SERGEF: variants seen among roughly 807,000 people sequenced by gnomAD.
The protein encoded by SERGEF is secretion regulating guanine nucleotide exchange factor, also known as secretion-regulating guanine nucleotide exchange factor.
In SERGEF, 51 loss-of-function variants were observed where a neutral mutation model predicts 50.0. The observed-to-expected ratio is 1.02, with a 90% CI of 0.81 to 1.29. SERGEF has a LOEUF of 1.29. Ranked by LOEUF, SERGEF falls within the 50% of genes most tolerant of loss-of-function variation. SERGEF has a pLI of 0.00. For synonymous variants in SERGEF, 205 were observed against 212.4 expected (o/e 0.97, Z 0.30); for missense variants, 521 against 557.0 (o/e 0.94, Z 0.65).
At chr11:17,860,847 T>C (rs1850913480) in intron 10 of SERGEF, among the ~76,000 whole-genome samples, 1 of 152,186 alleles carries the variant, frequency 6.6e-6, no homozygotes, top group Non-Finnish European at 1.5e-5. Flanking sequence ...TGTAACAGTG[T>C]GTAAGAGCTT....
intron 10 of SERGEF, among the ~76,000 whole-genome samples, chr11:17,871,348 C>T (rs891879338): frequency 6.6e-6 from 1 of 151,716 alleles, no homozygotes; most frequent in Non-Finnish European, 1.5e-5. Flanking sequence ...GTAGTCCCAG[C>T]TACTCGGGAG....
At chr11:17,962,755 C>CTG (rs1477938895) in intron 8 of SERGEF, among the ~76,000 whole-genome samples, 1 of 152,130 alleles carries the variant, frequency 6.6e-6, no homozygotes, top group Non-Finnish European at 1.5e-5. Flanking sequence ...CCTAAGGGGT[C>CTG]TGGAACTAGA....
intron 10 of SERGEF, among the ~76,000 whole-genome samples, chr11:17,819,703 C>G (rs1402361115): frequency 6.6e-6 from 1 of 152,262 alleles, no homozygotes; most frequent in Non-Finnish European, 1.5e-5. Flanking sequence ...CTACACATCT[C>G]AGGCCCTCCA....
chr11:17,811,945 T>G (rs1272550370), intron 10 of SERGEF, among the ~76,000 whole-genome samples: 2 of 152,148 alleles, frequency 1.3e-5, no homozygotes, highest in African/African-American at 4.8e-5. Flanking sequence ...AGACACTCAA[T>G]GTAGAGTTGC....
intron 5 of SERGEF, chr11:17,999,458 A>G (rs1853913254): frequency 1.1e-5 from 4 of 366,058 alleles, no homozygotes; most frequent in South Asian, 6.0e-5. Flanking sequence ...TAAGCCCAGG[A>G]CTATCAGCAC....
intron 4 of SERGEF, among the ~76,000 whole-genome samples, chr11:18,003,860 G>A (rs1261874468): frequency 6.6e-6 from 1 of 152,096 alleles, no homozygotes. Flanking sequence ...TCTTTTGGTG[G>A]TAATGAAAAT....
At chr11:17,797,509 T>C (rs1480604491) in intron 10 of SERGEF, among the ~76,000 whole-genome samples, 1 of 152,190 alleles carries the variant, frequency 6.6e-6, no homozygotes, top group Non-Finnish European at 1.5e-5. Flanking sequence ...CCTGACAACT[T>C]TATATGAAAT....
chr11:17,906,401 T>C (rs1398894839), intron 9 of SERGEF, among the ~76,000 whole-genome samples: 1 of 152,182 alleles, frequency 6.6e-6, no homozygotes, highest in Non-Finnish European at 1.5e-5. Context: ...AAAGCCATTC[T>C]TGAGCTGCGA....
At chr11:18,004,661 T>C in intron 3 of SERGEF, 126 bp from the exon 4 acceptor site, 1 of 655,310 alleles carries the variant, frequency 1.5e-6, no homozygotes, top group South Asian at 1.8e-5. Flanking sequence ...TCAGACCATA[T>C]TCCCTGCTTT....
At chr11:17,878,934 C>CT (rs1323741992) in intron 9 of SERGEF, among the ~76,000 whole-genome samples, 1 of 152,190 alleles carries the variant, frequency 6.6e-6, no homozygotes, top group African/African-American at 2.4e-5. Flanking sequence ...TCAGGTGCAC[C>CT]TGTCCTTATG....
chr11:17,927,727 T>C lies in SERGEF; in HGVS notation c.1011+31743A>G, dbSNP rs182849949. ...GAATTGAAATCATCTGGGAACCTGTTAGAAGTGGAAAGTAGCCCTACTGAC... is the reference window on the plus strand; with the variant it reads ...GAATTGAAATCATCTGGGAACCTGTCAGAAGTGGAAAGTAGCCCTACTGAC... On this transcript the variant is annotated intron_variant, in intron 9 of 10. Coordinates refer to ENST00000265965, the MANE Select transcript of SERGEF (RefSeq NM_012139.4). Among the ~76,000 whole-genome samples the C allele has an allele frequency of 2.8e-4, 42 of 152,350 alleles. 1 individual carries two copies. In the East Asian group the frequency reaches 5.8e-3, roughly 21 times the overall value.
intron 10 of SERGEF, among the ~76,000 whole-genome samples, chr11:17,850,140 C>T (rs1850686275): frequency 6.6e-6 from 1 of 152,084 alleles, no homozygotes; most frequent in Non-Finnish European, 1.5e-5. Flanking sequence ...AAAGCCACTC[C>T]AGCAATAACT....
intron 10 of SERGEF, among the ~76,000 whole-genome samples, chr11:17,815,358 G>A (rs757997499): frequency 4.0e-5 from 6 of 150,294 alleles, no homozygotes; most frequent in Non-Finnish European, 8.8e-5. Context: ...TAGCACTTTC[G>A]GAGGCCGAGG....
In SERGEF at chr11:17,947,639, C is replaced by T. The variant is rs118065543; in HGVS notation, c.1011+11831G>A. On this transcript the variant is annotated intron_variant, in intron 9 of 10. Transcript: ENST00000265965. ...GTTGGGGTGAGCACCAAGCCACAGT[C>T]ACCTCTTTGCCCTTCAACCTGGAAA... 6.6e-3 allele frequency among the ~76,000 whole-genome samples: 1,000 copies of T among 152,310 alleles called. 10 individuals carry two copies. Among genetic ancestry groups the T allele is most frequent in the Non-Finnish European group, 0.01 (705 of 68,028 alleles).
chr11:17,879,959 C>G (rs1327816043), intron 9 of SERGEF, among the ~76,000 whole-genome samples: 1 of 152,200 alleles, frequency 6.6e-6, no homozygotes, highest in African/African-American at 2.4e-5. Context: ...CTAGTGAAAA[C>G]CACTTGGAAG....
intron 10 of SERGEF, among the ~76,000 whole-genome samples, chr11:17,873,757 CTCCAGGAAAGGGCCACCAATAAAATCCT>C (rs1851193096): frequency 6.6e-6 from 1 of 152,128 alleles, no homozygotes; most frequent in Non-Finnish European, 1.5e-5. Flanking sequence ...AGCCTGAGTG[CTCCAGGAAAGGGCCACCAATAAAATCCT>C]TCCAAGGGTC....
chr11:17,799,579 C>T (rs1042736867), intron 10 of SERGEF, among the ~76,000 whole-genome samples: 1 of 152,224 alleles, frequency 6.6e-6, no homozygotes, highest in Non-Finnish European at 1.5e-5. Context: ...CCTTACCTTG[C>T]TCTCCTCAAG....
chr11:17,900,606 C>A (rs970393603), intron 9 of SERGEF, among the ~76,000 whole-genome samples: 3 of 152,142 alleles, frequency 2.0e-5, no homozygotes, highest in Non-Finnish European at 4.4e-5. Context: ...AGTGACCCTA[C>A]CTAGGGGATT....
At chr11:18,012,689 C>T (rs1174022703) in intron 1 of SERGEF, 1 of 1,154,032 alleles carries the variant, frequency 8.7e-7, no homozygotes, top group Non-Finnish European at 1.1e-6. Context: ...TGCCCCGAGG[C>T]AGGTTCTTCC....
Sources: allele counts gnomAD v4.1 joint callset (sites outside exome capture counted in the v4.1 genomes callset), GRCh38; gene constraint gnomAD v4.1.1; transcripts MANE v1.5; gene names NCBI Gene and HGNC (gene_info 2026-07-23, HGNC 2026-07-21).